The following GUCY2C variants were observed in gnomAD, a reference collection of about 807,000 sequenced individuals.
GUCY2C encodes the protein guanylate cyclase 2C.
A neutral mutation model predicts 131.1 loss-of-function variants in GUCY2C; 118 were observed. The observed-to-expected ratio is 0.90, with a 90% CI of 0.78 to 1.05. The LOEUF (loss-of-function observed/expected upper bound fraction) is 1.05, where lower values mean the gene tolerates loss of function less well. GUCY2C is among the 50% of genes least tolerant of loss of function. The pLI, the probability that GUCY2C is intolerant of heterozygous loss-of-function variation, is 0.00. For missense variants in GUCY2C, 1,161 were observed against 1,304.4 expected (o/e 0.89, Z 1.69); for synonymous variants, 452 against 457.8 (o/e 0.99, Z 0.16).
rs1048000280 is a variant in GUCY2C at position 14,696,304 on chromosome 12, C to T, written c.145G>A (p.Glu49Lys). The T allele has an allele frequency of 3.1e-6, 5 of 1,614,152 alleles. No individual in the cohort carries two copies. The East Asian group carries it at 6.7e-5, about 22-fold the overall frequency. The change falls in exon 1 of 27, where the codon GAG becomes AAG. Residue 49 changes from glutamate to lysine, a missense_variant. Coordinates refer to ENST00000261170, the MANE Select transcript of GUCY2C (RefSeq NM_004963.4). Reference protein sequence around the residue: ...VLMMGNSAFAEPLKNLEDAVN... With the variant: ...VLMMGNSAFAKPLKNLEDAVN... ...GCATCTTCCAAGTTTTTCAGGGGCT[C>T]TGCAAAGGCTGAGTTGCCCATCATC...
Position 14,619,249 on chromosome 12 carries a change from G to A in GUCY2C, c.2837C>T (p.Thr946Met), listed in dbSNP as rs370411745. 16 of 1,611,642 alleles carry A rather than the reference G, an allele frequency of 9.9e-6. No homozygotes were observed. The highest frequency in any genetic ancestry group is 4.0e-5 in the African/African-American group (3 of 74,970). The change falls in exon 24 of 27, where the codon ACG becomes ATG. Residue 946 changes from threonine (T) to methionine (M), a missense_variant. Physicochemically the swap from Thr to Met is moderately conservative, Grantham distance 81. Transcript: ENST00000261170. ...TTCCATCCTAGAGGCTGTGTTGACC[G>A]TATCTCCAAATAGACAATAACGAGG... is the stretch of plus-strand genomic sequence containing the variant. ...KMPRYCLFGD[T>M]VNTASRMEST...
At chr12:14,662,847 A>G (rs1947897907) in intron 10 of GUCY2C, among the ~76,000 whole-genome samples, 1 of 152,190 alleles carries the variant, frequency 6.6e-6, no homozygotes, top group Non-Finnish European at 1.5e-5. Context: ...AACCCTGGCA[A>G]AGAAAAATAT....
intron 5 of GUCY2C, 90 bp from the exon 6 acceptor site, chr12:14,679,843 T>G: frequency 1.5e-6 from 1 of 685,956 alleles, no homozygotes. Context: ...GAATCCAGTA[T>G]GTTAATGTTA....
At position 14,662,014 on chromosome 12, in the gene GUCY2C, T is replaced by C. The variant is rs570051768; in HGVS notation, c.1283-952A>G. ...AGTGTCTGAGTATACAAAGGAATACTCCTACACAGAGAAGGACAGCAACAA... is the reference window on the plus strand; with the variant it reads ...AGTGTCTGAGTATACAAAGGAATACCCCTACACAGAGAAGGACAGCAACAA... On this transcript the variant is annotated intron_variant, in intron 10 of 26. Coordinates refer to ENST00000261170, the MANE Select transcript of GUCY2C (RefSeq NM_004963.4). Among the ~76,000 whole-genome samples, 38 of 152,126 alleles carry C rather than the reference T, an allele frequency of 2.5e-4. No homozygotes were observed. In the South Asian group the frequency reaches 7.2e-3, roughly 29 times the overall value.
chr12:14,695,248 A>G (rs1357392211), intron 1 of GUCY2C, among the ~76,000 whole-genome samples: 2 of 152,206 alleles, frequency 1.3e-5, no homozygotes, highest in Admixed American at 1.3e-4. Flanking sequence ...GGTGGCTGGG[A>G]ATCATGGCTG....
intron 2 of GUCY2C, among the ~76,000 whole-genome samples, chr12:14,686,911 T>A (rs1344478848): frequency 1.3e-5 from 2 of 151,978 alleles, no homozygotes; most frequent in Non-Finnish European, 2.9e-5. Flanking sequence ...GTTGGTGTGA[T>A]GTTATTGATT....
At chr12:14,662,027 A>G (rs1204972120) in intron 10 of GUCY2C, among the ~76,000 whole-genome samples, 2 of 152,254 alleles carry the variant, frequency 1.3e-5, no homozygotes, top group Admixed American at 6.5e-5. Context: ...TACACAGAGA[A>G]GGACAGCAAC....
intron 21 of GUCY2C, among the ~76,000 whole-genome samples, chr12:14,624,898 A>G (rs1946975855): frequency 6.6e-6 from 1 of 152,246 alleles, no homozygotes; most frequent in Non-Finnish European, 1.5e-5. Context: ...GAAGGCAGCC[A>G]GATAACCAGG....
At chr12:14,667,413 A>G (rs984664586) in intron 10 of GUCY2C, among the ~76,000 whole-genome samples, 2 of 152,226 alleles carry the variant, frequency 1.3e-5, no homozygotes, top group Non-Finnish European at 2.9e-5. Context: ...ATCTGAAGTC[A>G]GCTCAGGATT....
Position 14,669,797 on chromosome 12 carries a change from T to C in GUCY2C, c.1207A>G (p.Lys403Glu), listed in dbSNP as rs1488367001. 3.8e-6 allele frequency: 6 copies of C among 1,599,866 alleles called. No individual in the cohort carries two copies. The South Asian group carries it at 6.7e-5, about 18-fold the overall frequency. The stretch of plus-strand genomic sequence containing the variant: ...GGGCTCATATCCACAGGATAGGTCT[T>C]ATTTACGTGGGTATCATAGGTCAAA... ...VLLTYDTHVNKTYPVDMSPTF... is the reference protein window; with the variant it reads ...VLLTYDTHVNETYPVDMSPTF... Residue 403 changes from lysine (K) to glutamate (E), a missense_variant, in exon 10 of 27, where the codon AAG (lysine) becomes GAG (glutamate). Transcript: ENST00000261170.
At chr12:14,634,316 G>T (rs1947215261) in intron 19 of GUCY2C, among the ~76,000 whole-genome samples, 1 of 152,164 alleles carries the variant, frequency 6.6e-6, no homozygotes, top group South Asian at 2.1e-4. Flanking sequence ...AAGAAATAAA[G>T]GCTGTCCCAG....
chr12:14,672,528 G>C (rs1565629533), intron 9 of GUCY2C, among the ~76,000 whole-genome samples: 3 of 152,118 alleles, frequency 2.0e-5, no homozygotes, highest in African/African-American at 7.2e-5. Flanking sequence ...TCTTAGGAAA[G>C]ACTTGTGATC....
intron 18 of GUCY2C, 48 bp downstream of exon 18, chr12:14,641,034 C>T (rs1340895860): frequency 1.6e-5 from 26 of 1,582,466 alleles, no homozygotes; most frequent in African/African-American, 4.0e-5. Context: ...GCCTAGAAAG[C>T]AGGTTGGCTC....
intron 1 of GUCY2C, 32 bp downstream of exon 1, chr12:14,696,200 A>G (rs980184030): frequency 3.3e-6 from 5 of 1,525,398 alleles, no homozygotes; most frequent in Non-Finnish European, 4.5e-6. Context: ...GTAGTAACAG[A>G]GTGGAGGAAG....
At chr12:14,625,613 GT>G (rs1263829799) in intron 21 of GUCY2C, 143 bp downstream of exon 21, 9 of 765,316 alleles carry the variant, frequency 1.2e-5, no homozygotes, top group Non-Finnish European at 1.9e-5. Flanking sequence ...GATTACAGGC[GT>G]GAGCCTCCGT....
intron 18 of GUCY2C, 57 bp from the exon 19 acceptor site, chr12:14,640,007 A>C (rs1004231773): frequency 1.7e-6 from 2 of 1,145,578 alleles, no homozygotes; most frequent in African/African-American, 3.0e-5. Context: ...AAGAAATGGA[A>C]GGAATTTCAA....
intron 6 of GUCY2C, 47 bp from the exon 7 acceptor site, chr12:14,677,018 G>A (rs762785397): frequency 4.9e-6 from 3 of 613,868 alleles, no homozygotes; most frequent in African/African-American, 3.7e-5. Context: ...GAAAAATAGA[G>A]ATGCATCTTC....
intron 19 of GUCY2C, among the ~76,000 whole-genome samples, chr12:14,633,986 C>T (rs1947207932): frequency 1.3e-5 from 2 of 152,014 alleles, no homozygotes; most frequent in Admixed American, 6.6e-5. Flanking sequence ...AATACAAAAC[C>T]CATTTAACAA....
intron 19 of GUCY2C, among the ~76,000 whole-genome samples, chr12:14,629,656 T>C (rs1242940335): frequency 3.3e-5 from 5 of 152,172 alleles, no homozygotes; most frequent in African/African-American, 1.2e-4. Flanking sequence ...AACCCTCAGT[T>C]TGGTGGGGGA....
Sources: allele counts gnomAD v4.1 joint callset (sites outside exome capture counted in the v4.1 genomes callset), GRCh38; gene constraint gnomAD v4.1.1; transcripts MANE v1.5; gene names NCBI Gene and HGNC (gene_info 2026-07-23, HGNC 2026-07-21).